The following FAM186A variants were observed in gnomAD, a reference collection of about 807,000 sequenced individuals.
The protein encoded by FAM186A is family with sequence similarity 186 member A, also known as protein FAM186A.
In FAM186A, 163 loss-of-function variants were observed where a neutral mutation model predicts 216.8. The ratio of observed to expected loss-of-function variants is 0.75; its 90% CI spans 0.66 to 0.86. The LOEUF (loss-of-function observed/expected upper bound fraction) is 0.86. Ranked by LOEUF, FAM186A falls within the 40% of genes least tolerant of loss-of-function variation. The pLI is 0.00. For synonymous variants in FAM186A, 805 were observed against 1,025.3 expected (o/e 0.79, Z 4.10); for missense variants, 2,184 against 2,746.2 (o/e 0.80, Z 4.58).
At chr12:50,388,197 T>C (rs1943323380) in intron 1 of FAM186A, among the ~76,000 whole-genome samples, 1 of 152,200 alleles carries the variant, frequency 6.6e-6, no homozygotes, top group Non-Finnish European at 1.5e-5. Flanking sequence ...GTCTTTCTAA[T>C]GACCAGTCCC....
intron 4 of FAM186A, among the ~76,000 whole-genome samples, chr12:50,345,778 A>C (rs917757517): frequency 1.1e-4 from 17 of 152,048 alleles, no homozygotes; most frequent in African/African-American, 4.1e-4. Flanking sequence ...AAGTTGGATA[A>C]TGTAATATGC....
Position 50,354,834 on chromosome 12 carries a change from CTG to C in FAM186A, c.1996_1997del (p.Gln666GlufsTer2), listed in dbSNP as rs773184340. The C allele has an allele frequency of 1.6e-5, 25 of 1,544,168 alleles. No homozygotes were observed. The South Asian group carries it at 2.8e-4, about 17-fold the overall frequency. ...VLESPDGKSE[Q>X]SNLEEFQEAI... ...CTTCCTGAAATTCTTCGAGGTTACT[CTG>C]TTCACTTTTGCCATCTGGACTTTCT... On this transcript the variant is annotated frameshift_variant, in exon 4 of 8. Transcript: ENST00000327337. LOFTEE classifies it high-confidence loss of function.
intron 1 of FAM186A, among the ~76,000 whole-genome samples, chr12:50,368,046 G>A (rs1327981515): frequency 6.6e-6 from 1 of 152,020 alleles, no homozygotes; most frequent in African/African-American, 2.4e-5. Context: ...TCAGGAGGCT[G>A]AGGTGGGAGA....
intron 3 of FAM186A, among the ~76,000 whole-genome samples, chr12:50,358,924 A>G (rs1943004806): frequency 6.7e-6 from 1 of 149,916 alleles, no homozygotes; most frequent in African/African-American, 2.4e-5. Context: ...CTCTGTCTCA[A>G]AAAAAAAAAA....
chr12:50,338,226 AG>A (rs1300380005), intron 4 of FAM186A, among the ~76,000 whole-genome samples: 3 of 152,068 alleles, frequency 2.0e-5, no homozygotes, highest in South Asian at 4.1e-4. Flanking sequence ...TTTGAGACAG[AG>A]TTTCGCTCTT....
At position 50,360,780 on chromosome 12, in the gene FAM186A, T is replaced by G. The variant is rs12303082; in HGVS notation, c.559A>C (p.Lys187Gln). 1,000,325 of 1,534,630 alleles carry G rather than the reference T, an allele frequency of 0.65. 329,259 individuals are homozygous for G. The highest frequency in any genetic ancestry group is 0.76 in the Admixed American group (36,081 of 47,614). ...CATATTTTTTTCTTTTGTTTCTTCTTTTCGTCGAGGAAAGATGTACTAAAT... is the reference window on the plus strand; with the variant it reads ...CATATTTTTTTCTTTTGTTTCTTCTGTTCGTCGAGGAAAGATGTACTAAAT... ...SRFSTSFLDE[K>Q]KKQKKKILSR... Residue 187 changes from lysine (K) to glutamine (Q), a missense_variant, in exon 3 of 8, where the codon AAG becomes CAG. Around this residue, in one of 7 missense-constraint regions of FAM186A, gnomAD observed 1,132 missense variants for 1,263.4 expected, o/e 0.90. Coordinates refer to ENST00000327337, the MANE Select transcript of FAM186A (RefSeq NM_001145475.3).
At position 50,351,005 on chromosome 12, in the gene FAM186A, G is replaced by A. The variant is rs912663400; in HGVS notation, c.5827C>T (p.Pro1943Ser). 4 of 1,551,416 alleles carry A rather than the reference G, an allele frequency of 2.6e-6. No individual in the cohort carries two copies. In the African/African-American group the frequency reaches 4.1e-5, roughly 16 times the overall value. ...TLWPSPAPGK[P>S]QKSWSPSVAK... ...ACAGAAGGGGACCAACTTTTCTGGG[G>A]CTTTCCAGGGGCTGGGGACGGCCAT... The change falls in exon 4 of 8, where the codon CCC becomes TCC. Residue 1943 changes from proline to serine, a missense_variant. By Grantham distance (74) the Pro-to-Ser change is moderately conservative. This residue lies in a region of FAM186A where 721 missense variants were observed against 816.4 expected (regional missense o/e 0.88). Coordinates refer to ENST00000327337, the MANE Select transcript of FAM186A (RefSeq NM_001145475.3).
chr12:50,380,560 CT>C (rs1358610370), intron 1 of FAM186A, among the ~76,000 whole-genome samples: 1 of 146,074 alleles, frequency 6.8e-6, no homozygotes, highest in African/African-American at 2.5e-5. Context: ...GCTGGGCATG[CT>C]GGTGCATGCC....
Position 50,351,719 on chromosome 12 carries a change from G to A in FAM186A, c.5113C>T (p.Leu1705Phe), listed in dbSNP as rs376754965. 3 of 1,551,432 alleles carry A rather than the reference G, an allele frequency of 1.9e-6. No individual in the cohort carries two copies. Among genetic ancestry groups the A allele is most frequent in the African/African-American group, 2.7e-5 (2 of 73,026 alleles). Reference protein sequence around the residue: ...KAHTLGSPLTLKQVQWSHRPF... With the variant: ...KAHTLGSPLTFKQVQWSHRPF... ...CTATGGGACCACTGGACTTGCTTAA[G>A]GGTGAGGGGCGATCCCAAGGTATGG... Residue 1705 changes from leucine (L) to phenylalanine (F), a missense_variant, in exon 4 of 8, where the codon CTT (leucine) becomes TTT (phenylalanine). Around this residue, in one of 7 missense-constraint regions of FAM186A, gnomAD observed 721 missense variants for 816.4 expected, o/e 0.88. Coordinates refer to ENST00000327337, the MANE Select transcript of FAM186A (RefSeq NM_001145475.3).
At position 50,351,821 on chromosome 12, in the gene FAM186A, A is replaced by G; in HGVS notation, c.5011T>C (p.Leu1671=). Residue 1671 remains leucine (L), a synonymous_variant, in exon 4 of 8, where the codon TTG becomes CTG. Coordinates refer to ENST00000327337, the MANE Select transcript of FAM186A (RefSeq NM_001145475.3). ...TGTTCTAAGTTCATAGGGGACTCCAAAGCGTGGGTTTGCTCAGAGGTAAGA... is the reference window on the plus strand; with the variant it reads ...TGTTCTAAGTTCATAGGGGACTCCAGAGCGTGGGTTTGCTCAGAGGTAAGA... The part of the protein sequence containing the change: ...VTLTSEQTHA[L]ESPMNLEQAQ... 2 of 1,546,050 alleles carry G rather than the reference A, an allele frequency of 1.3e-6. No individual in the cohort carries two copies. The highest frequency in any genetic ancestry group is 1.7e-6 in the Non-Finnish European group (2 of 1,144,068).
At chr12:50,344,595 T>C (rs1942794637) in intron 4 of FAM186A, among the ~76,000 whole-genome samples, 1 of 152,206 alleles carries the variant, frequency 6.6e-6, no homozygotes, top group Non-Finnish European at 1.5e-5. Context: ...GTCTTTTTGG[T>C]ATAATAATTT....
intron 1 of FAM186A, among the ~76,000 whole-genome samples, chr12:50,370,543 T>C (rs572379883): frequency 6.6e-6 from 1 of 152,128 alleles, no homozygotes; most frequent in African/African-American, 2.4e-5. Context: ...CCCTGTGCAC[T>C]GCTGGTAGGA....
chr12:50,366,050 C>T, intron 1 of FAM186A: 1 of 748,588 alleles, frequency 1.3e-6, no homozygotes, highest in Non-Finnish European at 2.4e-6. Flanking sequence ...AGGAAAAGAG[C>T]AAATACAAGG....
Position 50,353,372 on chromosome 12 carries a change from C to T in FAM186A, c.3460G>A (p.Ala1154Thr). 6.5e-7 allele frequency: 1 copy of T among 1,533,618 alleles called. No individual in the cohort carries two copies. The highest frequency in any genetic ancestry group is 1.4e-5 in the African/African-American group (1 of 70,840). ...TGAGTGGTGAGAGAGATCCCCGGGG[C>T]CTGGTCCTGCTGAGGGGTGAGAGTG... The part of the protein sequence containing the change: ...GITLTPQQDQ[A>T]PGISLTTQQA... Residue 1154 changes from alanine (A) to threonine (T), a missense_variant, in exon 4 of 8, where the codon GCC (alanine) becomes ACC (threonine). This residue lies in a region of FAM186A where 267 missense variants were observed against 446.2 expected (regional missense o/e 0.60). Coordinates refer to ENST00000327337, the MANE Select transcript of FAM186A (RefSeq NM_001145475.3).
intron 1 of FAM186A, among the ~76,000 whole-genome samples, chr12:50,367,385 G>A (rs1943099836): frequency 6.6e-6 from 1 of 151,844 alleles, no homozygotes; most frequent in Non-Finnish European, 1.5e-5. Context: ...GGGCATGGTG[G>A]CAGGTGCCTG....
At chr12:50,373,677 A>G (rs1430177141) in intron 1 of FAM186A, among the ~76,000 whole-genome samples, 3 of 152,180 alleles carry the variant, frequency 2.0e-5, no homozygotes, top group Non-Finnish European at 4.4e-5. Flanking sequence ...ATGTGGAGAA[A>G]TAGGAACACT....
At chr12:50,334,257 C>T (rs1210950925) in intron 4 of FAM186A, among the ~76,000 whole-genome samples, 154 bp from the exon 5 acceptor site, 2 of 151,630 alleles carry the variant, frequency 1.3e-5, no homozygotes, top group African/African-American at 4.9e-5. Flanking sequence ...TTGCAACCTC[C>T]ACCTCCTGGA....
At position 50,373,378 on chromosome 12, in the gene FAM186A, C is replaced by T. The variant is rs553371760; in HGVS notation, c.193-10014G>A. ...CACCATTGCACTCCAGCCTGGATGA[C>T]AGAGTAAGACTCCATCTCAAAAAAA... On this transcript the variant is annotated intron_variant, in intron 1 of 7. Coordinates refer to ENST00000327337, the MANE Select transcript of FAM186A (RefSeq NM_001145475.3). Among the ~76,000 whole-genome samples the T allele has an allele frequency of 3.3e-4, 51 of 152,242 alleles. No individual in the cohort carries two copies. The South Asian group carries it at 0.01, about 31-fold the overall frequency.
At chr12:50,374,929 G>A (rs1460050223) in intron 1 of FAM186A, among the ~76,000 whole-genome samples, 1 of 152,200 alleles carries the variant, frequency 6.6e-6, no homozygotes, top group Non-Finnish European at 1.5e-5. Context: ...TGTAATCCCA[G>A]CACTTTGGGA....
Sources: gnomAD v4.1 joint callset for allele counts (sites outside exome capture counted in the v4.1 genomes callset) on GRCh38, gnomAD v4.1.1 for gene constraint, gnomAD v4.1.1 regional missense constraint, MANE v1.5 for transcripts, NCBI Gene and HGNC (gene_info 2026-07-23, HGNC 2026-07-21) for gene names.